PTP4A1: variants seen among roughly 807,000 people sequenced by gnomAD.
PTP4A1 encodes the protein protein tyrosine phosphatase 4A1, also known as protein tyrosine phosphatase type IVA 1.
Under a neutral mutation model 20.5 loss-of-function variants are expected in PTP4A1, and 9 were observed. That is an observed-to-expected ratio of 0.44 (90% confidence interval 0.26 to 0.77). The LOEUF (loss-of-function observed/expected upper bound fraction) is 0.77. Ranked by LOEUF, PTP4A1 falls within the 30% of genes least tolerant of loss-of-function variation. PTP4A1 has a pLI of 0.19. For synonymous variants in PTP4A1, 78 were observed against 67.4 expected, an observed-to-expected ratio of 1.16 and a Z score of -0.77; for missense variants, 137 against 218.8, an observed-to-expected ratio of 0.63 and a Z score of 2.36.
intron 2 of PTP4A1, among the ~76,000 whole-genome samples, chr6:63,577,679 C>G (rs1777957748): frequency 6.6e-6 from 1 of 152,106 alleles, no homozygotes; most frequent in African/African-American, 2.4e-5. Context: ...GCCTCAGCCT[C>G]CCAAGTAGCT....
chr6:63,547,803 G>A (rs759670430), intron 2 of PTP4A1, among the ~76,000 whole-genome samples: 6 of 151,916 alleles, frequency 3.9e-5, no homozygotes, highest in South Asian at 2.1e-4. Flanking sequence ...GAGCCACTGC[G>A]CCCGGCCCAG....
chr6:63,525,410 C>T (rs971310596), intron 1 of PTP4A1, among the ~76,000 whole-genome samples: 9 of 152,146 alleles, frequency 5.9e-5, no homozygotes, highest in African/African-American at 1.4e-4. Flanking sequence ...CACTCCTTCC[C>T]GTTTGCTTGC....
At chr6:63,529,879 A>G (rs1485134795) in intron 2 of PTP4A1, among the ~76,000 whole-genome samples, 3 of 152,222 alleles carry the variant, frequency 2.0e-5, no homozygotes, top group Non-Finnish European at 4.4e-5. Flanking sequence ...GTGTAAAAAT[A>G]TGTCTGCAGT....
At chr6:63,564,179 G>A (rs1165494014) in intron 3 of PTP4A1, among the ~76,000 whole-genome samples, 1 of 151,850 alleles carries the variant, frequency 6.6e-6, no homozygotes, top group East Asian at 1.9e-4. Flanking sequence ...GGGAGGCTGA[G>A]GCAGGAGAAT....
At chr6:63,555,098 C>T (rs1186746556) in intron 3 of PTP4A1, among the ~76,000 whole-genome samples, 4 of 152,108 alleles carry the variant, frequency 2.6e-5, no homozygotes, top group Non-Finnish European at 5.9e-5. Flanking sequence ...TTCATCTTTC[C>T]ACTCCCAAAA....
intron 1 of PTP4A1, among the ~76,000 whole-genome samples, chr6:63,522,862 C>CT (rs559181707): frequency 0.012 from 1,513 of 126,370 alleles, 14 homozygotes; most frequent in Non-Finnish European, 0.016. Context: ...GACTAAATCA[C>CT]TTTTTTTTTT....
In PTP4A1 at chr6:63,578,498, C is replaced by T; in HGVS notation, c.167C>T (p.Thr56Ile). Residue 56 changes from threonine to isoleucine, a missense_variant, in exon 3 of 6, where the codon ACT becomes ATT. By Grantham distance (89) the Thr-to-Ile change is moderately conservative. Coordinates refer to ENST00000626021, the MANE Select transcript of PTP4A1 (RefSeq NM_003463.5). ...GTATGTGAAGCAACTTATGACACTA[C>T]TCTTGTGGAGAAAGAAGGTATCCAT... ...VRVCEATYDT[T>I]LVEKEGIHVL... is the part of the protein sequence containing the mutation. 1 of 1,612,130 alleles carries T rather than the reference C, an allele frequency of 6.2e-7. No homozygotes were observed. Among genetic ancestry groups the T allele is most frequent in the South Asian group, 1.1e-5 (1 of 90,862 alleles).
chr6:63,579,848 A>G (rs1198377898), intron 5 of PTP4A1, among the ~76,000 whole-genome samples: 1 of 152,142 alleles, frequency 6.6e-6, no homozygotes, highest in Non-Finnish European at 1.5e-5. Flanking sequence ...TGTAACCAAT[A>G]CTCAAACGAA....
chr6:63,539,517 C>T (rs1775862883), intron 2 of PTP4A1, among the ~76,000 whole-genome samples: 1 of 152,146 alleles, frequency 6.6e-6, no homozygotes, highest in African/African-American at 2.4e-5. Context: ...TTGGCTCACT[C>T]CTGTAATCCC....
chr6:63,580,887 A>T lies in PTP4A1; in HGVS notation c.*713A>T, dbSNP rs1425298357. 1 of 152,614 alleles carries T rather than the reference A, an allele frequency of 6.6e-6. No individual in the cohort carries two copies. Among genetic ancestry groups the T allele is most frequent in the Non-Finnish European group, 1.5e-5 (1 of 68,026 alleles). 9.5% of individuals were successfully genotyped at this position (152,614 alleles called of 1,614,324 possible). On this transcript the variant is annotated 3_prime_UTR_variant, in exon 6 of 6. Coordinates refer to ENST00000626021, the MANE Select transcript of PTP4A1 (RefSeq NM_003463.5). ...GACAAAAAAGCCTTACATTAATTTA[A>T]TGTTTGCACTCTGAGGTGCAACTTA... is the stretch of plus-strand genomic sequence containing the variant.
intron 3 of PTP4A1, among the ~76,000 whole-genome samples, chr6:63,558,287 A>G (rs1776775635): frequency 6.6e-6 from 1 of 152,104 alleles, no homozygotes; most frequent in African/African-American, 2.4e-5. Flanking sequence ...GGAAGGAGGG[A>G]GGGATGGAGG....
At chr6:63,557,372 C>T (rs1776735590) in intron 3 of PTP4A1, among the ~76,000 whole-genome samples, 1 of 152,050 alleles carries the variant, frequency 6.6e-6, no homozygotes, top group Non-Finnish European at 1.5e-5. Flanking sequence ...TTGAGACCAG[C>T]CTGGCCAACA....
At chr6:63,560,759 C>T (rs911709266) in intron 3 of PTP4A1, among the ~76,000 whole-genome samples, 22 of 152,132 alleles carry the variant, frequency 1.4e-4, no homozygotes, top group Admixed American at 5.2e-4. Flanking sequence ...CCTGTCAAAT[C>T]GCTGTAAAAG....
chr6:63,558,499 G>A (rs1357271258), intron 3 of PTP4A1, among the ~76,000 whole-genome samples: 4 of 152,176 alleles, frequency 2.6e-5, no homozygotes. Flanking sequence ...GAAGGACAAA[G>A]GTTTCAGTCA....
intron 3 of PTP4A1, among the ~76,000 whole-genome samples, chr6:63,556,778 TA>T (rs1357704766): frequency 6.6e-6 from 1 of 152,238 alleles, no homozygotes; most frequent in East Asian, 1.9e-4. Flanking sequence ...AACAGTAACG[TA>T]AAAGTGAGTT....
intron 1 of PTP4A1, among the ~76,000 whole-genome samples, chr6:63,575,737 A>G (rs937941535): frequency 1.3e-5 from 2 of 152,202 alleles, no homozygotes; most frequent in Admixed American, 1.3e-4. Flanking sequence ...ATTCATAAGC[A>G]TACATTCTTA....
the PTP4A1 span, among the ~76,000 whole-genome samples, chr6:63,516,484 A>G: frequency 6.6e-6 from 1 of 152,184 alleles, no homozygotes; most frequent in Non-Finnish European, 1.5e-5. Flanking sequence ...AGTTTGAATG[A>G]TCTAGCTTTG....
chr6:63,550,818 A>G (rs888226253), intron 3 of PTP4A1, among the ~76,000 whole-genome samples: 11 of 151,886 alleles, frequency 7.2e-5, no homozygotes, highest in African/African-American at 2.4e-4. Context: ...AAAGACAGGG[A>G]TTTCACCATG....
At chr6:63,533,237 C>T (rs750736712) in intron 2 of PTP4A1, among the ~76,000 whole-genome samples, 1 of 152,058 alleles carries the variant, frequency 6.6e-6, no homozygotes, top group African/African-American at 2.4e-5. Flanking sequence ...CAAAAATTAG[C>T]CAGATGTGGT....
Sources: gnomAD v4.1 joint callset for allele counts (sites outside exome capture counted in the v4.1 genomes callset) on GRCh38, gnomAD v4.1.1 for gene constraint, MANE v1.5 for transcripts, NCBI Gene and HGNC (gene_info 2026-07-23, HGNC 2026-07-21) for gene names.